The following GLIS3 variants were observed in gnomAD, a reference collection of about 807,000 sequenced individuals.
The protein encoded by GLIS3 is zinc finger protein GLIS3.
GLIS3 carries 53 observed loss-of-function variants against 78.6 expected under a neutral mutation model. That is an observed-to-expected ratio of 0.67 (90% confidence interval 0.54 to 0.85). The LOEUF is 0.85. Among genes scored for constraint, GLIS3 ranks in the 40% least tolerant of loss-of-function variants. GLIS3 has a pLI of 0.00. For synonymous variants in GLIS3, 684 were observed against 509.9 expected (o/e 1.34, Z -4.60); for missense variants, 1,703 against 1,231.1 (o/e 1.38, Z -5.74).
At chr9:4,320,252 G>T (rs1203030382) in intron 2 of GLIS3, among the ~76,000 whole-genome samples, 2 of 152,036 alleles carry the variant, frequency 1.3e-5, no homozygotes, top group African/African-American at 2.4e-5. Flanking sequence ...ATTCACTCCA[G>T]TTGCCTGACT....
At chr9:4,272,827 G>A (rs911266661) in intron 2 of GLIS3, among the ~76,000 whole-genome samples, 1 of 152,158 alleles carries the variant, frequency 6.6e-6, no homozygotes, top group African/African-American at 2.4e-5. Flanking sequence ...CCAAATGTCA[G>A]GTGATCTGAC....
intron 4 of GLIS3, among the ~76,000 whole-genome samples, chr9:4,095,268 T>A (rs759084645): frequency 3.3e-5 from 5 of 152,122 alleles, no homozygotes; most frequent in Non-Finnish European, 4.4e-5. Context: ...GACATAAATG[T>A]TTTAACCGGG....
At chr9:4,259,343 T>G (rs947409096) in intron 2 of GLIS3, among the ~76,000 whole-genome samples, 2 of 152,040 alleles carry the variant, frequency 1.3e-5, no homozygotes, top group African/African-American at 4.8e-5. Context: ...GTCAGATCCC[T>G]TCCACCTTCC....
At chr9:4,089,973 C>T (rs973357298) in intron 4 of GLIS3, among the ~76,000 whole-genome samples, 18 of 152,340 alleles carry the variant, frequency 1.2e-4, no homozygotes, top group South Asian at 8.3e-4. Flanking sequence ...GCCATGCCCA[C>T]GGCAGAGGGG....
intron 2 of GLIS3, among the ~76,000 whole-genome samples, chr9:4,257,565 A>ATGT (rs71324292): frequency 2.4e-5 from 1 of 41,486 alleles, no homozygotes; most frequent in African/African-American, 6.4e-5. Flanking sequence ...TAACATGTAT[A>ATGT]TGTTGTTGTT....
rs147121073 is a variant in GLIS3, at chr9:4,268,729, T to C, written c.388+17309A>G. Among the ~76,000 whole-genome samples the C allele has an allele frequency of 3.3e-5, 5 of 152,268 alleles. No individual in the cohort carries two copies. The East Asian group carries it at 5.8e-4, about 18-fold the overall frequency. Reference sequence around the variant, plus strand: ...CACAGAGAGTAGGAACCCACACTTGTTGATTTGATTCTGGAAGAGTTACTA... The same window carrying C: ...CACAGAGAGTAGGAACCCACACTTGCTGATTTGATTCTGGAAGAGTTACTA... On this transcript the variant is annotated intron_variant, in intron 2 of 10. Transcript: ENST00000381971.
chr9:4,184,891 T>C (rs936066678), intron 2 of GLIS3, among the ~76,000 whole-genome samples: 5 of 151,914 alleles, frequency 3.3e-5, no homozygotes, highest in Admixed American at 2.0e-4. Context: ...GTATTAAATA[T>C]TGGGTTACAT....
chr9:4,106,242 A>G (rs1375451370), intron 4 of GLIS3, among the ~76,000 whole-genome samples: 7 of 152,206 alleles, frequency 4.6e-5, no homozygotes, highest in Admixed American at 4.6e-4. Context: ...GTTTCAGAGA[A>G]CAGGTAGAGT....
intron 4 of GLIS3, among the ~76,000 whole-genome samples, chr9:4,054,005 A>T (rs1825938674): frequency 6.6e-6 from 1 of 152,270 alleles, no homozygotes; most frequent in South Asian, 2.1e-4. Flanking sequence ...CAAAAAGTCA[A>T]GTTACTCTTT....
At chr9:4,340,720 G>C (rs1037765186) in intron 2 of GLIS3, among the ~76,000 whole-genome samples, 10 of 151,998 alleles carry the variant, frequency 6.6e-5, no homozygotes, top group Admixed American at 6.6e-4. Flanking sequence ...ACAGAGTCTC[G>C]CTCTGTCACC....
At chr9:3,883,030 G>C (rs369866549) in intron 7 of GLIS3, among the ~76,000 whole-genome samples, 1 of 152,130 alleles carries the variant, frequency 6.6e-6, no homozygotes, top group African/African-American at 2.4e-5. Flanking sequence ...TTTGGAGGAA[G>C]TAACAACAGA....
chr9:4,489,494 T>G, the GLIS3 span, among the ~76,000 whole-genome samples: 119,706 of 152,096 alleles, frequency 0.79, 47,217 homozygotes, highest in East Asian at 0.91. Flanking sequence ...GAAGACCGCT[T>G]ACAGCTGCGG....
chr9:4,416,357 T>A, the GLIS3 span, among the ~76,000 whole-genome samples: 1 of 151,738 alleles, frequency 6.6e-6, no homozygotes, highest in South Asian at 2.1e-4. Flanking sequence ...GTCAAAATTT[T>A]AAAACCTCTC....
chr9:4,321,199 T>C (rs1362599320), intron 2 of GLIS3, among the ~76,000 whole-genome samples: 1 of 149,176 alleles, frequency 6.7e-6, no homozygotes, highest in South Asian at 2.1e-4. Context: ...GGCGGGCGGA[T>C]CACAAGGTCA....
At chr9:4,313,760 C>T (rs1198437562) in intron 2 of GLIS3, among the ~76,000 whole-genome samples, 1 of 152,190 alleles carries the variant, frequency 6.6e-6, no homozygotes, top group Non-Finnish European at 1.5e-5. Context: ...CACCTCCTCC[C>T]GCAGCCTTCC....
chr9:4,097,118 A>G (rs1194810198), intron 4 of GLIS3, among the ~76,000 whole-genome samples: 1 of 152,196 alleles, frequency 6.6e-6, no homozygotes, highest in Non-Finnish European at 1.5e-5. Flanking sequence ...GTTCACAGAA[A>G]TCTTCCTCCC....
chr9:4,489,332 G>C, the GLIS3 span, among the ~76,000 whole-genome samples: 1 of 152,144 alleles, frequency 6.6e-6, no homozygotes, highest in African/African-American at 2.4e-5. Context: ...AAAGATGCTT[G>C]TATCAATTTA....
At chr9:4,245,295 C>T (rs1393035923) in intron 2 of GLIS3, among the ~76,000 whole-genome samples, 1 of 152,204 alleles carries the variant, frequency 6.6e-6, no homozygotes, top group African/African-American at 2.4e-5. Flanking sequence ...CCACAGCCCT[C>T]AGCATTCCAC....
chr9:4,123,526 A>G (rs1372337741), intron 3 of GLIS3, among the ~76,000 whole-genome samples: 6 of 152,158 alleles, frequency 3.9e-5, no homozygotes, highest in Admixed American at 2.0e-4. Context: ...CCAACTAACA[A>G]AAGACTAATT....
Sources: allele counts gnomAD v4.1 joint callset (sites outside exome capture counted in the v4.1 genomes callset), GRCh38; gene constraint gnomAD v4.1.1; transcripts MANE v1.5; gene names NCBI Gene and HGNC (gene_info 2026-07-23, HGNC 2026-07-21).